The following ANKRD6 variants were observed in gnomAD, a reference collection of about 807,000 sequenced individuals.
The protein encoded by ANKRD6 is ankyrin repeat domain 6, also known as ankyrin repeat domain-containing protein 6.
Under a neutral mutation model 82.3 loss-of-function variants are expected in ANKRD6, and 56 were observed. The ratio of observed to expected loss-of-function variants is 0.68; its 90% CI spans 0.55 to 0.85. The LOEUF (loss-of-function observed/expected upper bound fraction) is 0.85. ANKRD6 is among the 40% of genes least tolerant of loss of function. The pLI is 0.00. For missense variants in ANKRD6, 852 were observed against 907.6 expected (o/e 0.94, Z 0.79); for synonymous variants, 347 against 352.1 (o/e 0.99, Z 0.16).
At chr6:89,601,802 T>A (rs1341203267) in intron 3 of ANKRD6, 1 of 152,100 alleles carries the variant, frequency 6.6e-6, no homozygotes, top group African/African-American at 2.4e-5. Flanking sequence ...CTGGGGAGTT[T>A]AGTAAGTAGA....
intron 2 of ANKRD6, among the ~76,000 whole-genome samples, chr6:89,580,290 G>A (rs913194503): frequency 5.3e-5 from 8 of 151,160 alleles, no homozygotes; most frequent in African/African-American, 1.9e-4. Context: ...TAAGTCCTTT[G>A]TAGGTTGCTT....
rs1398641504 is a variant in ANKRD6, at chr6:89,433,867, A to G, written c.-144+492A>G. ...GGGGCCGATACCCCTCAGGAGCCCC[A>G]TCGGCGAAGCCTCAGCAAGTGGCAT... On this transcript the variant is annotated intron_variant, in intron 1 of 15. Coordinates refer to ENST00000339746, the MANE Select transcript of ANKRD6 (RefSeq NM_001242809.2). This position sits in a 1 kb window ranked among gnomAD's most constrained non-coding sequence, Gnocchi z 4.3. Among the ~76,000 whole-genome samples, 3 of 152,226 alleles carry G rather than the reference A, an allele frequency of 2.0e-5. No individual in the cohort carries two copies. The highest frequency in any genetic ancestry group is 4.4e-5 in the Non-Finnish European group (3 of 68,034).
chr6:89,591,652 C>A (rs546535932), intron 2 of ANKRD6, among the ~76,000 whole-genome samples: 45 of 152,260 alleles, frequency 3.0e-4, no homozygotes, highest in African/African-American at 1.1e-3. Flanking sequence ...CCAAAGGGCT[C>A]TATTTTTGTT....
At chr6:89,558,153 A>G (rs1786878960) in intron 1 of ANKRD6, among the ~76,000 whole-genome samples, 1 of 152,234 alleles carries the variant, frequency 6.6e-6, no homozygotes, top group South Asian at 2.1e-4. Flanking sequence ...GTTAGAAGAC[A>G]GTATAGACAT....
chr6:89,475,007 A>G (rs991155668), intron 1 of ANKRD6, among the ~76,000 whole-genome samples: 10 of 152,170 alleles, frequency 6.6e-5, no homozygotes, highest in African/African-American at 2.2e-4. Context: ...AGCCAGAGTA[A>G]AACTTAACTT....
At chr6:89,584,837 G>A (rs1314289476) in intron 2 of ANKRD6, among the ~76,000 whole-genome samples, 1 of 152,050 alleles carries the variant, frequency 6.6e-6, no homozygotes, top group Non-Finnish European at 1.5e-5. Context: ...TTAAGATCAC[G>A]GTGCCTACAG....
At chr6:89,561,061 C>T (rs967156436) in intron 1 of ANKRD6, 1 of 152,180 alleles carries the variant, frequency 6.6e-6, no homozygotes, top group African/African-American at 2.4e-5. Flanking sequence ...GGGACGGTCT[C>T]TACCTCCCAA....
intron 1 of ANKRD6, among the ~76,000 whole-genome samples, chr6:89,470,339 C>A (rs1280508584): frequency 6.6e-6 from 1 of 152,166 alleles, no homozygotes; most frequent in Non-Finnish European, 1.5e-5. Context: ...GATTAATAGG[C>A]CAAGCACAGT....
At chr6:89,441,707 A>T (rs1027056166) in intron 1 of ANKRD6, among the ~76,000 whole-genome samples, 1 of 127,492 alleles carries the variant, frequency 7.8e-6, no homozygotes, top group East Asian at 2.4e-4. Context: ...ATCTTGGCTC[A>T]CTGCAACCTC....
chr6:89,505,311 T>C (rs559107080), intron 1 of ANKRD6, among the ~76,000 whole-genome samples: 76 of 152,304 alleles, frequency 5.0e-4, no homozygotes, highest in African/African-American at 1.8e-3. Context: ...CATTTTTTAG[T>C]GTTCTTAAAA....
intron 1 of ANKRD6, among the ~76,000 whole-genome samples, chr6:89,501,389 A>C (rs1779244443): frequency 6.6e-6 from 1 of 152,178 alleles, no homozygotes; most frequent in Admixed American, 6.5e-5. Context: ...TGCATTTGAG[A>C]GGGATGCCTT....
intron 1 of ANKRD6, among the ~76,000 whole-genome samples, chr6:89,471,149 G>A (rs190921581): frequency 4.5e-4 from 68 of 151,984 alleles, no homozygotes; most frequent in African/African-American, 1.6e-3. Flanking sequence ...TCAGGAGTTC[G>A]AGACCACCCT....
chr6:89,441,620 C>CTTTTTTTTTT (rs71556522), intron 1 of ANKRD6, among the ~76,000 whole-genome samples: 7 of 80,470 alleles, frequency 8.7e-5, no homozygotes, highest in Non-Finnish European at 1.4e-4. Flanking sequence ...CTTTTCTTTC[C>CTTTTTTTTTT]TTTTTTTTTT....
At chr6:89,581,325 A>G in intron 2 of ANKRD6, among the ~76,000 whole-genome samples, 1 of 152,222 alleles carries the variant, frequency 6.6e-6, no homozygotes, top group East Asian at 1.9e-4. Flanking sequence ...TCTAAGTGGT[A>G]CTTCTGAGTC....
chr6:89,529,607 G>A (rs1782903031), intron 1 of ANKRD6, among the ~76,000 whole-genome samples: 1 of 152,194 alleles, frequency 6.6e-6, no homozygotes, highest in African/African-American at 2.4e-5. Context: ...TCGCTAACTG[G>A]TGTTAGTGGC....
At chr6:89,545,621 A>T (rs558404594) in intron 1 of ANKRD6, among the ~76,000 whole-genome samples, 1 of 152,334 alleles carries the variant, frequency 6.6e-6, no homozygotes, top group East Asian at 1.9e-4. Flanking sequence ...CAGGAATCTC[A>T]GGAGGCCAAG....
At chr6:89,624,423 C>G in intron 12 of ANKRD6, 116 bp from the exon 13 acceptor site, 2 of 1,290,300 alleles carry the variant, frequency 1.6e-6, no homozygotes, top group Non-Finnish European at 2.1e-6. Context: ...AAGGATGAGC[C>G]TATCTCTTCC....
chr6:89,580,849 C>G (rs1402731095), intron 2 of ANKRD6, among the ~76,000 whole-genome samples: 1 of 152,194 alleles, frequency 6.6e-6, no homozygotes, highest in East Asian at 1.9e-4. Context: ...TGTCACTCCC[C>G]AGGACGTGGG....
intron 5 of ANKRD6, among the ~76,000 whole-genome samples, chr6:89,610,932 G>A (rs950507410): frequency 1.3e-5 from 2 of 152,056 alleles, no homozygotes; most frequent in Non-Finnish European, 2.9e-5. Context: ...CATCCCCAAG[G>A]CCACATAAAT....
Sources: gnomAD v4.1 joint callset for allele counts (sites outside exome capture counted in the v4.1 genomes callset) on GRCh38, gnomAD v4.1.1 for gene constraint, Gnocchi (gnomAD v3.1) non-coding constraint, MANE v1.5 for transcripts, NCBI Gene and HGNC (gene_info 2026-07-23, HGNC 2026-07-21) for gene names.